USP37: variants seen among roughly 807,000 people sequenced by gnomAD.
The protein encoded by USP37 is ubiquitin carboxyl-terminal hydrolase 37.
A neutral mutation model predicts 124.0 loss-of-function variants in USP37; 27 were observed. The ratio of observed to expected loss-of-function variants is 0.22; its 90% CI spans 0.16 to 0.30. The LOEUF (loss-of-function observed/expected upper bound fraction) is 0.30, where lower values mean the gene tolerates loss of function less well. Among genes scored for constraint, USP37 ranks in the 10% least tolerant of loss-of-function variants. USP37 has a pLI of 1.00. For missense variants in USP37, 889 were observed against 1,140.4 expected, an observed-to-expected ratio of 0.78 and a Z score of 3.17; for synonymous variants, 365 against 388.0, an observed-to-expected ratio of 0.94 and a Z score of 0.70.
intron 6 of USP37, among the ~76,000 whole-genome samples, chr2:218,549,581 C>T (rs1375144757): frequency 2.0e-5 from 3 of 151,640 alleles, no homozygotes; most frequent in South Asian, 2.1e-4. Flanking sequence ...TCTCCTGCCT[C>T]GGCCTCCTGA....
intron 20 of USP37, among the ~76,000 whole-genome samples, chr2:218,472,897 A>AT (rs1690772705): frequency 6.6e-6 from 1 of 152,100 alleles, no homozygotes; most frequent in South Asian, 2.1e-4. Context: ...TTTCCAAAAT[A>AT]TTTTTTGTAG....
chr2:218,509,357 T>A (rs564467692), intron 11 of USP37, among the ~76,000 whole-genome samples: 1 of 152,192 alleles, frequency 6.6e-6, no homozygotes, highest in African/African-American at 2.4e-5. Flanking sequence ...ATTTTTAATA[T>A]ATCTATCTCA....
intron 11 of USP37, 46 bp from the exon 12 acceptor site, chr2:218,498,203 A>G (rs1040270490): frequency 6.5e-7 from 1 of 1,541,420 alleles, no homozygotes; most frequent in African/African-American, 1.4e-5. Flanking sequence ...AGGAATTCCT[A>G]AAGTATGTTC....
At chr2:218,542,530 G>A (rs1347980112) in intron 8 of USP37, among the ~76,000 whole-genome samples, 1 of 152,182 alleles carries the variant, frequency 6.6e-6, no homozygotes, top group African/African-American at 2.4e-5. Context: ...TCTGGGAAGT[G>A]TAAATAAGGC....
intron 17 of USP37, among the ~76,000 whole-genome samples, chr2:218,481,293 G>A (rs1231993448): frequency 6.6e-6 from 1 of 152,142 alleles, no homozygotes; most frequent in Non-Finnish European, 1.5e-5. Context: ...TATGCATGAA[G>A]GCATAACATT....
chr2:218,535,091 C>G (rs139313291), intron 8 of USP37, among the ~76,000 whole-genome samples: 2 of 152,154 alleles, frequency 1.3e-5, no homozygotes, highest in African/African-American at 2.4e-5. Context: ...TGTGGCCAGG[C>G]GCGGTGGCTC....
chr2:218,558,686 A>AGCAAAATAAAGCAAAAT lies in USP37; in HGVS notation c.-24-10_-24-9insATTTTGCTTTATTTTGC. 6.4e-7 allele frequency: 1 copy of AGCAAAATAAAGCAAAAT among 1,573,494 alleles called. No individual in the cohort carries two copies. Among genetic ancestry groups the AGCAAAATAAAGCAAAAT allele is most frequent in the Non-Finnish European group, 8.6e-7 (1 of 1,160,810 alleles). ...TTAAAAATTGCTTCTGGCTAAATTA[A>AGCAAAATAAAGCAAAAT]AAAGCAAAAATATACCTTTACCTGG... On this transcript the variant is annotated splice_polypyrimidine_tract_variant and intron_variant, in intron 3 of 25. Coordinates refer to ENST00000258399, the MANE Select transcript of USP37 (RefSeq NM_020935.3).
At chr2:218,561,483 C>G (rs1455974905) in intron 2 of USP37, among the ~76,000 whole-genome samples, 1 of 151,998 alleles carries the variant, frequency 6.6e-6, no homozygotes, top group East Asian at 1.9e-4. Context: ...CATGGTGAAA[C>G]CCCATCTCTA....
At chr2:218,489,439 T>G (rs1002232152) in intron 14 of USP37, among the ~76,000 whole-genome samples, 1 of 151,768 alleles carries the variant, frequency 6.6e-6, no homozygotes, top group Non-Finnish European at 1.5e-5. Context: ...CTTGCACATA[T>G]CCTTTTCCAA....
chr2:218,484,581 C>A (rs1490881175), intron 16 of USP37, among the ~76,000 whole-genome samples: 1 of 151,556 alleles, frequency 6.6e-6, no homozygotes, highest in Non-Finnish European at 1.5e-5. Context: ...GAGATCGTGC[C>A]ACTGCACTCT....
chr2:218,490,939 C>G (rs1691903874), intron 14 of USP37, among the ~76,000 whole-genome samples: 1 of 152,128 alleles, frequency 6.6e-6, no homozygotes, highest in Non-Finnish European at 1.5e-5. Context: ...AGTGGCCCGA[C>G]CACGGCTCAC....
At chr2:218,529,649 T>C (rs1046729064) in intron 10 of USP37, among the ~76,000 whole-genome samples, 2 of 151,754 alleles carry the variant, frequency 1.3e-5, no homozygotes, top group Non-Finnish European at 1.5e-5. Flanking sequence ...TGAGACAGGG[T>C]CTCGTTCTGT....
At chr2:218,558,964 C>T (rs977883308) in intron 3 of USP37, among the ~76,000 whole-genome samples, 1 of 150,112 alleles carries the variant, frequency 6.7e-6, no homozygotes, top group Non-Finnish European at 1.5e-5. Context: ...TCTCTTCCTT[C>T]ATGAAAGCTA....
At position 218,474,866 on chromosome 2, in the gene USP37, A is replaced by G. The variant is rs747175046; in HGVS notation, c.2063T>C (p.Ile688Thr). The G allele has an allele frequency of 3.1e-6, 5 of 1,612,068 alleles. No homozygotes were observed. In the Admixed American group the frequency reaches 5.0e-5, roughly 16 times the overall value. ...TTCCAATTCAGACTTGTCAGGCTCT[A>G]TTGGGCATAATTTTGAATCCTGAAG... ...DLEKDSKLCP[I>T]EPDKSELENS... is the part of the protein sequence containing the mutation. Residue 688 changes from isoleucine (I) to threonine (T), a missense_variant, in exon 20 of 26, where the codon ATA (isoleucine) becomes ACA (threonine). Around this residue, in one of 3 missense-constraint regions of USP37, gnomAD observed 504 missense variants for 714.3 expected, o/e 0.71. Transcript: ENST00000258399.
At chr2:218,471,451 G>T (rs1690683862) in intron 20 of USP37, among the ~76,000 whole-genome samples, 1 of 152,170 alleles carries the variant, frequency 6.6e-6, no homozygotes, top group South Asian at 2.1e-4. Context: ...TTCTACTTAA[G>T]CTCTCTAAGT....
chr2:218,487,635 G>C (rs1049112723), intron 15 of USP37, among the ~76,000 whole-genome samples: 1 of 152,040 alleles, frequency 6.6e-6, no homozygotes, highest in South Asian at 2.1e-4. Flanking sequence ...TGGCCAGGAT[G>C]ATCTTGATCT....
intron 21 of USP37, 87 bp downstream of exon 21, chr2:218,465,923 T>C (rs1036937421): frequency 4.9e-6 from 7 of 1,441,804 alleles, no homozygotes; most frequent in South Asian, 2.5e-5. Flanking sequence ...GTCTGACACA[T>C]AGTAAGTGCT....
Position 218,485,635 on chromosome 2 carries a change from CAAAAAAAAAAAA to C in USP37, c.1670+17_1670+28del, listed in dbSNP as rs60749670. The C allele has an allele frequency of 1.6e-5, 21 of 1,298,546 alleles. No homozygotes were observed. The African/African-American group carries it at 3.1e-4, about 19-fold the overall frequency. The allele number at this position is 1,298,546 out of a possible 1,614,324, so 80.4% of individuals were successfully genotyped here. ...TACCTGGGAATTCTTTAGTCCATAGCAAAAAAAAAAAAAAAAAAAAAAAATTACCTAGGAAGC... is the reference window on the plus strand; with the variant it reads ...TACCTGGGAATTCTTTAGTCCATAGCAAAAAAAAAAAATTACCTAGGAAGC... On this transcript the variant is annotated intron_variant, in intron 16 of 25. Transcript: ENST00000258399.
chr2:218,547,835 G>A (rs1252270436), intron 6 of USP37, among the ~76,000 whole-genome samples: 1 of 152,126 alleles, frequency 6.6e-6, no homozygotes, highest in Non-Finnish European at 1.5e-5. Context: ...ATGAATCAAA[G>A]AGTCTACCCT....
Sources: allele counts gnomAD v4.1 joint callset (sites outside exome capture counted in the v4.1 genomes callset), GRCh38; gene constraint gnomAD v4.1.1; regional missense constraint gnomAD v4.1.1; transcripts MANE v1.5; gene names NCBI Gene and HGNC (gene_info 2026-07-23, HGNC 2026-07-21).